Variants in ITIH5 observed in about 807,000 individuals in gnomAD.
ITIH5 encodes the protein inter-alpha-trypsin inhibitor heavy chain 5.
In ITIH5, 65 loss-of-function variants were observed where a neutral mutation model predicts 77.5. That is an observed-to-expected ratio of 0.84 (90% CI 0.69 to 1.03). The LOEUF (loss-of-function observed/expected upper bound fraction) is 1.03, where lower values mean the gene tolerates loss of function less well. Among genes scored for constraint, ITIH5 ranks in the 50% least tolerant of loss-of-function variants. The pLI is 0.00. For missense variants in ITIH5, 1,208 were observed against 1,213.1 expected (o/e 1.00, Z 0.06); for synonymous variants, 525 against 494.3 (o/e 1.06, Z -0.82).
chr10:7,579,727 C>T, intron 9 of ITIH5, 28 bp downstream of exon 9: 1 of 1,603,888 alleles, frequency 6.2e-7, no homozygotes, highest in Non-Finnish European at 8.5e-7. Context: ...CAAACAGCCT[C>T]TCATGCCTAC....
chr10:7,644,910 TCAC>T (rs1456132685), intron 2 of ITIH5, among the ~76,000 whole-genome samples: 10,595 of 47,902 alleles, frequency 0.22, 1,576 homozygotes, highest in Admixed American at 0.36. Context: ...CATATATATA[TCAC>T]ATATATATAT....
At chr10:7,617,524 A>T (rs1002901164) in intron 5 of ITIH5, 2 of 319,154 alleles carry the variant, frequency 6.3e-6, no homozygotes, top group Non-Finnish European at 1.1e-5. Flanking sequence ...AAGTAGAGAG[A>T]ATAGTAAAAT....
chr10:7,637,724 C>G (rs1264744563), intron 4 of ITIH5, among the ~76,000 whole-genome samples: 1 of 152,160 alleles, frequency 6.6e-6, no homozygotes, highest in East Asian at 1.9e-4. Flanking sequence ...GAATACTGTC[C>G]TACCTCTCCC....
intron 10 of ITIH5, among the ~76,000 whole-genome samples, chr10:7,574,307 AGT>A (rs1341130702): frequency 6.6e-6 from 1 of 152,196 alleles, no homozygotes; most frequent in Non-Finnish European, 1.5e-5. Context: ...AGGTTCTTGA[AGT>A]ACTCCCTTCT....
Position 7,596,742 on chromosome 10 carries a change from TTAAAA to T in ITIH5, c.940-10678_940-10674del, listed in dbSNP as rs1384971260. Among the ~76,000 whole-genome samples the T allele has an allele frequency of 2.0e-5, 3 of 151,920 alleles. No individual in the cohort carries two copies. The South Asian group carries it at 6.2e-4, about 32-fold the overall frequency. ...AAGGGAAAGACCTAAGATGAACAAT[TTAAAA>T]TAATCCAGTAAAGGCCGGGTGCAGT... On this transcript the variant is annotated intron_variant, in intron 7 of 13. Coordinates refer to ENST00000397146, the MANE Select transcript of ITIH5 (RefSeq NM_030569.7).
chr10:7,624,444 T>G (rs1273218220), intron 5 of ITIH5, among the ~76,000 whole-genome samples: 1 of 151,294 alleles, frequency 6.6e-6, no homozygotes, highest in East Asian at 1.9e-4. Flanking sequence ...GAGGCAGAGG[T>G]TGCAGTGAGC....
chr10:7,582,179 T>C (rs368610088), intron 8 of ITIH5, among the ~76,000 whole-genome samples: 33 of 152,304 alleles, frequency 2.2e-4, no homozygotes, highest in African/African-American at 7.9e-4. Context: ...TGGCCCCATG[T>C]ATTCTTAAAT....
rs150815540 is a variant in ITIH5, at chr10:7,565,234, CAG to C, written c.2527+794_2527+795del. Among the ~76,000 whole-genome samples, 478 of 148,668 alleles carry C rather than the reference CAG, an allele frequency of 3.2e-3. 2 individuals are homozygous for C. Among genetic ancestry groups the C allele is most frequent in the African/African-American group, 0.011 (454 of 40,598 alleles). On this transcript the variant is annotated intron_variant, in intron 13 of 13. Transcript: ENST00000397146. ...CACACATCATACATACATATATACA[CAG>C]AGTGTATACATACATATACACATAT...
intron 2 of ITIH5, among the ~76,000 whole-genome samples, chr10:7,643,611 T>C (rs1285162040): frequency 6.6e-6 from 1 of 152,212 alleles, no homozygotes; most frequent in Non-Finnish European, 1.5e-5. Context: ...TGAATGCAAC[T>C]GGCTTACTCT....
At chr10:7,623,647 C>CA (rs1833509724) in intron 5 of ITIH5, among the ~76,000 whole-genome samples, 2 of 151,816 alleles carry the variant, frequency 1.3e-5, no homozygotes, top group Admixed American at 1.3e-4. Flanking sequence ...ACTAAAAATA[C>CA]AAAAAAATAG....
chr10:7,646,502 A>G (rs959395441), intron 2 of ITIH5, among the ~76,000 whole-genome samples: 2 of 152,194 alleles, frequency 1.3e-5, no homozygotes, highest in Non-Finnish European at 2.9e-5. Context: ...TGTCTTAGCT[A>G]TCTCATGCTG....
At chr10:7,629,938 G>A (rs1833686309) in intron 5 of ITIH5, among the ~76,000 whole-genome samples, 1 of 152,154 alleles carries the variant, frequency 6.6e-6, no homozygotes, top group Admixed American at 6.5e-5. Flanking sequence ...CTCTAGACAA[G>A]TCCTACCCTA....
rs111320316 is a variant in ITIH5 at position 7,580,051 on chromosome 10, G to C, written c.1122C>G (p.Asn374Lys). Reference protein sequence around the residue: ...HMSPTGGTDINGALQRAIRLL... With the variant: ...HMSPTGGTDIKGALQRAIRLL... ...GCCTGATGGCCCTCTGCAGGGCCCCGTTGATGTCTGTGCCTGCAGGACACC... is the reference window on the plus strand; with the variant it reads ...GCCTGATGGCCCTCTGCAGGGCCCCCTTGATGTCTGTGCCTGCAGGACACC... Residue 374 changes from asparagine to lysine, a missense_variant, in exon 9 of 14, where the codon AAC (asparagine) becomes AAG (lysine). Asn to Lys is a moderately conservative substitution (Grantham distance 94, BLOSUM62 0). Coordinates refer to ENST00000397146, the MANE Select transcript of ITIH5 (RefSeq NM_030569.7). 1.9e-6 allele frequency: 3 copies of C among 1,601,618 alleles called. No homozygotes were observed. In the African/African-American group the frequency reaches 4.0e-5, roughly 21 times the overall value.
chr10:7,646,307 T>C (rs750494185), intron 2 of ITIH5, among the ~76,000 whole-genome samples: 1 of 152,228 alleles, frequency 6.6e-6, no homozygotes, highest in Non-Finnish European at 1.5e-5. Context: ...CATATGCACA[T>C]GGTAAAAACT....
At chr10:7,605,769 T>TTCCATGTTTGTTA (rs148424609) in intron 7 of ITIH5, among the ~76,000 whole-genome samples, 6 of 152,082 alleles carry the variant, frequency 3.9e-5, no homozygotes, top group East Asian at 1.9e-4. Flanking sequence ...TGATAAGCAC[T>TTCCATGTTTGTTA]TCTCATTTAA....
rs1012968794 is a variant in ITIH5 at position 7,609,214 on chromosome 10, G to A, written c.939+6768C>T. 3.3e-5 allele frequency among the ~76,000 whole-genome samples: 5 copies of A among 152,184 alleles called. No homozygotes were observed. The East Asian group carries it at 7.7e-4, about 23-fold the overall frequency. ...TGAAAGATTAAATGAAGAAATGTACGTAAAACCCTCACAGCACTTGATACG... is the reference window on the plus strand; with the variant it reads ...TGAAAGATTAAATGAAGAAATGTACATAAAACCCTCACAGCACTTGATACG... On this transcript the variant is annotated intron_variant, in intron 7 of 13. Coordinates refer to ENST00000397146, the MANE Select transcript of ITIH5 (RefSeq NM_030569.7).
intron 5 of ITIH5, among the ~76,000 whole-genome samples, chr10:7,628,476 G>A (rs1026778805): frequency 5.9e-5 from 9 of 151,934 alleles, no homozygotes; most frequent in Non-Finnish European, 8.8e-5. Context: ...CCGTGCTGCG[G>A]CATGTGTCTG....
In ITIH5 at chr10:7,624,644, C is replaced by G. The variant is rs1003881966; in HGVS notation, c.653-7362G>C. ...ACCAGCCTAGCTAACATGGTGAAAC[C>G]CTGTCTCTACTAAAAATACAAAAAT... On this transcript the variant is annotated intron_variant, in intron 5 of 13. Coordinates refer to ENST00000397146, the MANE Select transcript of ITIH5 (RefSeq NM_030569.7). Among the ~76,000 whole-genome samples, 3 of 149,454 alleles carry G rather than the reference C, an allele frequency of 2.0e-5. No individual in the cohort carries two copies. The Admixed American group carries it at 2.0e-4, about 10-fold the overall frequency.
intron 8 of ITIH5, among the ~76,000 whole-genome samples, chr10:7,581,466 T>C (rs1447447263): frequency 6.6e-6 from 1 of 152,132 alleles, no homozygotes; most frequent in African/African-American, 2.4e-5. Flanking sequence ...CTCTCCTTTT[T>C]TTCTTTTGAT....
Sources: allele counts gnomAD v4.1 joint callset (sites outside exome capture counted in the v4.1 genomes callset), GRCh38; gene constraint gnomAD v4.1.1; transcripts MANE v1.5; gene names NCBI Gene and HGNC (gene_info 2026-07-23, HGNC 2026-07-21).